TANC1: variants seen among roughly 807,000 people sequenced by gnomAD.
TANC1 encodes tetratricopeptide repeat, ankyrin repeat and coiled-coil containing 1, also known as protein TANC1.
A neutral mutation model predicts 149.7 loss-of-function variants in TANC1; 77 were observed. That is an observed-to-expected ratio of 0.51 (90% CI 0.43 to 0.62). TANC1 has a LOEUF of 0.62. Among genes scored for constraint, TANC1 ranks in the 20% least tolerant of loss-of-function variants. The pLI is 0.00. For synonymous variants in TANC1, 854 were observed against 925.0 expected, an observed-to-expected ratio of 0.92 and a Z score of 1.39; for missense variants, 1,985 against 2,321.8, an observed-to-expected ratio of 0.85 and a Z score of 2.98.
chr2:159,119,598 T>C (rs556778066), intron 4 of TANC1, among the ~76,000 whole-genome samples: 4 of 152,354 alleles, frequency 2.6e-5, no homozygotes, highest in African/African-American at 9.6e-5. Context: ...AGCTGTAGCA[T>C]GTTTAATGTG....
chr2:158,999,494 T>C (rs972428447), intron 1 of TANC1, among the ~76,000 whole-genome samples: 1 of 152,208 alleles, frequency 6.6e-6, no homozygotes, highest in Non-Finnish European at 1.5e-5. Flanking sequence ...AACTTCCCTT[T>C]CTCCTCTTAA....
intron 3 of TANC1, among the ~76,000 whole-genome samples, chr2:159,075,583 A>G (rs1441497653): frequency 6.6e-6 from 1 of 152,102 alleles, no homozygotes; most frequent in Non-Finnish European, 1.5e-5. Context: ...TGTCTCCACA[A>G]AAAAAAGAAA....
chr2:158,970,554 G>T (rs1167086817), intron 1 of TANC1, among the ~76,000 whole-genome samples: 1 of 152,214 alleles, frequency 6.6e-6, no homozygotes, highest in African/African-American at 2.4e-5. Flanking sequence ...AGTTTCTGCA[G>T]TTTGTGTCAG....
intron 2 of TANC1, among the ~76,000 whole-genome samples, chr2:159,022,357 T>G (rs1241495765): frequency 6.6e-6 from 1 of 152,248 alleles, no homozygotes; most frequent in African/African-American, 2.4e-5. Flanking sequence ...CCTAAGTGTG[T>G]GCCCAGGACC....
At chr2:159,228,502 C>G (rs575213364) in intron 25 of TANC1, 1 of 371,724 alleles carries the variant, frequency 2.7e-6, no homozygotes, top group African/African-American at 2.0e-5. Flanking sequence ...GGAATAGATG[C>G]AGTGTCTGCG....
intron 1 of TANC1, among the ~76,000 whole-genome samples, chr2:158,972,813 T>A (rs1246292017): frequency 6.6e-6 from 1 of 152,202 alleles, no homozygotes; most frequent in Non-Finnish European, 1.5e-5. Context: ...TATGAAGTGC[T>A]ATTAGCTAGA....
At chr2:158,973,489 G>A (rs907663586) in intron 1 of TANC1, among the ~76,000 whole-genome samples, 1 of 152,170 alleles carries the variant, frequency 6.6e-6, no homozygotes, top group Admixed American at 6.5e-5. Context: ...ATACGTATAC[G>A]GCTGCTGGTA....
intron 2 of TANC1, among the ~76,000 whole-genome samples, chr2:159,041,200 C>T (rs1021605513): frequency 3.3e-4 from 50 of 152,132 alleles, no homozygotes; most frequent in African/African-American, 1.1e-3. Flanking sequence ...CAGTTGGCCC[C>T]TACTGGGAGG....
At chr2:159,222,526 C>T (rs1345927294) in intron 22 of TANC1, among the ~76,000 whole-genome samples, 1 of 152,170 alleles carries the variant, frequency 6.6e-6, no homozygotes, top group Non-Finnish European at 1.5e-5. Context: ...GCATAATGTT[C>T]TCCAGGTTCA....
chr2:159,143,551 C>CAAAAAAAAAAAAAAAAAAAA (rs56992262), intron 5 of TANC1, among the ~76,000 whole-genome samples: 1 of 67,300 alleles, frequency 1.5e-5, no homozygotes, highest in Non-Finnish European at 2.5e-5. Flanking sequence ...GACCCCATCT[C>CAAAAAAAAAAAAAAAAAAAA]AAAAAAAAAA....
intron 1 of TANC1, among the ~76,000 whole-genome samples, chr2:158,999,707 G>T (rs1382545790): frequency 6.6e-6 from 1 of 152,202 alleles, no homozygotes; most frequent in African/African-American, 2.4e-5. Flanking sequence ...GGGAGAAAAT[G>T]TCCGACATCA....
intron 5 of TANC1, 60 bp downstream of exon 5, chr2:159,136,358 T>C: frequency 1.0e-6 from 1 of 984,488 alleles, no homozygotes. Context: ...TGACACTTCA[T>C]TTCTGAATGA....
In TANC1 at chr2:159,150,353, T is replaced by TTA; in HGVS notation, c.496-16_496-15insAT. 5 of 1,611,108 alleles carry TTA rather than the reference T, an allele frequency of 3.1e-6. No individual in the cohort carries two copies. The highest frequency in any genetic ancestry group is 4.2e-6 in the Non-Finnish European group (5 of 1,177,710). On this transcript the variant is annotated splice_polypyrimidine_tract_variant and intron_variant, in intron 6 of 26. Coordinates refer to ENST00000263635, the MANE Select transcript of TANC1 (RefSeq NM_033394.3). Reference sequence around the variant, plus strand: ...CTGTGTAAGCCGTGCTAACTCCTCCTTCCATTCATCTTGCAGTGCACAGCT... The same window carrying TTA: ...CTGTGTAAGCCGTGCTAACTCCTCCTTATCCATTCATCTTGCAGTGCACAGCT...
Position 159,170,790 on chromosome 2 carries a change from G to A in TANC1, c.1336G>A (p.Gly446Ser). 3 of 1,613,780 alleles carry A rather than the reference G, an allele frequency of 1.9e-6. No individual in the cohort carries two copies. In the African/African-American group the frequency reaches 4.0e-5, roughly 22 times the overall value. The stretch of plus-strand genomic sequence containing the variant: ...GAGGCAGATTGCTTCCAACAGCCCG[G>A]GTTCATCACCTAAAAGTACGTGCAT... ...RMRQIASNSP[G>S]SSPKTSDPTQ... Residue 446 changes from glycine to serine, a missense_variant, in exon 10 of 27, where the codon GGT becomes AGT. By Grantham distance (56) the Gly-to-Ser change is moderately conservative (BLOSUM62 0). This residue lies in a region of TANC1 where 557 missense variants were observed against 612.9 expected (regional missense o/e 0.91). Transcript: ENST00000263635.
At chr2:159,045,058 A>C (rs971233670) in intron 2 of TANC1, among the ~76,000 whole-genome samples, 1 of 152,218 alleles carries the variant, frequency 6.6e-6, no homozygotes, top group Non-Finnish European at 1.5e-5. Context: ...ACTGGGACTC[A>C]CTTGAGGAGT....
In TANC1 at chr2:159,179,205, G is replaced by C. The variant is rs199772651; in HGVS notation, c.2510+42G>C. The C allele has an allele frequency of 9.6e-5, 151 of 1,568,016 alleles. 1 individual carries two copies. The African/African-American group carries it at 1.8e-3, about 19-fold the overall frequency. On this transcript the variant is annotated intron_variant, in intron 14 of 26. Coordinates refer to ENST00000263635, the MANE Select transcript of TANC1 (RefSeq NM_033394.3). ...CTTTCAGCTCTTTGCAGGGAATCTC[G>C]TGTGCAGTTGGGGAAAGGATTTAAA...
At chr2:159,021,634 A>G (rs1559140706) in intron 2 of TANC1, among the ~76,000 whole-genome samples, 1 of 152,206 alleles carries the variant, frequency 6.6e-6, no homozygotes, top group Non-Finnish European at 1.5e-5. Context: ...AAAGAAAGAA[A>G]GAAAGAAAGA....
intron 4 of TANC1, among the ~76,000 whole-genome samples, chr2:159,113,356 C>T (rs1230024852): frequency 1.3e-5 from 2 of 152,182 alleles, no homozygotes; most frequent in Non-Finnish European, 2.9e-5. Context: ...ACAGACAGAC[C>T]TGGGGTCAAT....
At chr2:159,165,806 G>A (rs958024071) in intron 8 of TANC1, among the ~76,000 whole-genome samples, 2 of 152,224 alleles carry the variant, frequency 1.3e-5, no homozygotes, top group African/African-American at 4.8e-5. Flanking sequence ...AGGATTGGCA[G>A]GTAAAGGAAG....
Sources: gnomAD v4.1 joint callset for allele counts (sites outside exome capture counted in the v4.1 genomes callset) on GRCh38, gnomAD v4.1.1 for gene constraint, gnomAD v4.1.1 regional missense constraint, MANE v1.5 for transcripts, NCBI Gene and HGNC (gene_info 2026-07-23, HGNC 2026-07-21) for gene names.